Variants in RPS6KC1 observed in about 807,000 individuals in gnomAD.
RPS6KC1 encodes the protein ribosomal protein S6 kinase C1, also known as inactive ribosomal protein S6 kinase delta-1.
A neutral mutation model predicts 103.8 loss-of-function variants in RPS6KC1; 54 were observed. That is an observed-to-expected ratio of 0.52 (90% CI 0.42 to 0.65). The LOEUF (loss-of-function observed/expected upper bound fraction) is 0.65. RPS6KC1 is among the 30% of genes least tolerant of loss of function. The pLI is 0.00. For missense variants in RPS6KC1, 1,151 were observed against 1,253.8 expected (o/e 0.92, Z 1.24); for synonymous variants, 439 against 438.7 (o/e 1.00, Z -0.01).
the RPS6KC1 span, among the ~76,000 whole-genome samples, chr1:213,661,503 A>G: frequency 2.5e-4 from 38 of 152,298 alleles, no homozygotes; most frequent in South Asian, 7.3e-3. Flanking sequence ...ACTCACCCCA[A>G]GGGGATTTCT....
the RPS6KC1 span, among the ~76,000 whole-genome samples, chr1:213,547,846 C>A: frequency 6.6e-6 from 1 of 152,194 alleles, no homozygotes; most frequent in Non-Finnish European, 1.5e-5. Context: ...TCTTGTACTG[C>A]TGGCATAACT....
intron 2 of RPS6KC1, among the ~76,000 whole-genome samples, chr1:213,076,667 A>C (rs994280896): frequency 6.6e-6 from 1 of 152,098 alleles, no homozygotes; most frequent in East Asian, 1.9e-4. Context: ...AATTCAGACT[A>C]ATGAAGGAAA....
At chr1:213,695,056 A>G in the RPS6KC1 span, among the ~76,000 whole-genome samples, 4 of 152,138 alleles carry the variant, frequency 2.6e-5, no homozygotes, top group Admixed American at 2.0e-4. Context: ...TCCCTCACGG[A>G]ATGTACGTTC....
chr1:213,584,008 G>A, the RPS6KC1 span, among the ~76,000 whole-genome samples: 2 of 151,980 alleles, frequency 1.3e-5, no homozygotes, highest in East Asian at 1.9e-4. Context: ...TAATTCCCAC[G>A]TGCTGTGGAA....
At chr1:213,373,310 A>T in the RPS6KC1 span, among the ~76,000 whole-genome samples, 1 of 152,242 alleles carries the variant, frequency 6.6e-6, no homozygotes, top group Non-Finnish European at 1.5e-5. Context: ...CTCTATGTTA[A>T]TTAGGACAAG....
chr1:213,115,346 T>C (rs916436556), intron 4 of RPS6KC1, among the ~76,000 whole-genome samples: 1 of 152,156 alleles, frequency 6.6e-6, no homozygotes, highest in Admixed American at 6.5e-5. Flanking sequence ...TGCATAGAGG[T>C]GTCTGTAGTA....
the RPS6KC1 span, among the ~76,000 whole-genome samples, chr1:213,283,319 A>G: frequency 1.3e-5 from 2 of 152,230 alleles, no homozygotes; most frequent in East Asian, 1.9e-4. Flanking sequence ...TACTGCCCAC[A>G]TAATCCCCCA....
chr1:213,304,927 C>T, the RPS6KC1 span, among the ~76,000 whole-genome samples: 3 of 152,296 alleles, frequency 2.0e-5, no homozygotes, highest in South Asian at 6.2e-4. Context: ...TTTTGCTTTA[C>T]CTATAGTGTT....
At chr1:213,572,882 T>C in the RPS6KC1 span, among the ~76,000 whole-genome samples, 1 of 152,192 alleles carries the variant, frequency 6.6e-6, no homozygotes, top group African/African-American at 2.4e-5. Flanking sequence ...CTTGGTAATA[T>C]TGTGTTGCTT....
chr1:213,658,517 T>TA, the RPS6KC1 span, among the ~76,000 whole-genome samples: 1 of 152,126 alleles, frequency 6.6e-6, no homozygotes, highest in East Asian at 1.9e-4. Context: ...CAACTCAGTG[T>TA]AGTGACAAAT....
At chr1:213,474,800 A>G in the RPS6KC1 span, among the ~76,000 whole-genome samples, 1 of 152,182 alleles carries the variant, frequency 6.6e-6, no homozygotes, top group Non-Finnish European at 1.5e-5. Flanking sequence ...ACAAAGGCTA[A>G]TACCTTTAAA....
At chr1:213,581,695 A>T in the RPS6KC1 span, among the ~76,000 whole-genome samples, 270 of 152,226 alleles carry the variant, frequency 1.8e-3, 2 homozygotes, top group African/African-American at 6.4e-3. Flanking sequence ...TGCAGCAAGC[A>T]TGAAGTGGAG....
the RPS6KC1 span, among the ~76,000 whole-genome samples, chr1:213,599,932 C>T: frequency 7.9e-5 from 12 of 152,238 alleles, no homozygotes; most frequent in East Asian, 1.4e-3. Context: ...AATCTCACCT[C>T]GAATTGTAAT....
In RPS6KC1 at chr1:213,051,368, C is replaced by G. The variant is rs1394212745; in HGVS notation, c.-37C>G. ...GCGGCGCCGGGTTTCCCTCATGATC[C>G]CGGGCGGGTGGCGGCGGCGGCAGAG... On this transcript the variant is annotated 5_prime_UTR_variant, in exon 1 of 15. Transcript: ENST00000366960. 6.5e-7 allele frequency: 1 copy of G among 1,531,394 alleles called. No homozygotes were observed. Among genetic ancestry groups the G allele is most frequent in the Non-Finnish European group, 9.0e-7 (1 of 1,108,288 alleles). The allele number at this position is 1,531,394 out of a possible 1,614,324, so 94.9% of individuals were successfully genotyped here.
chr1:213,331,445 C>A, the RPS6KC1 span, among the ~76,000 whole-genome samples: 1 of 152,162 alleles, frequency 6.6e-6, no homozygotes, highest in South Asian at 2.1e-4. Flanking sequence ...TTAGTTCTGA[C>A]GAGTCAACGG....
chr1:213,595,434 A>G, the RPS6KC1 span, among the ~76,000 whole-genome samples: 2 of 152,214 alleles, frequency 1.3e-5, no homozygotes, highest in African/African-American at 4.8e-5. Flanking sequence ...AAAGGTGATG[A>G]AACAGCCTCT....
chr1:213,364,219 C>T, the RPS6KC1 span, among the ~76,000 whole-genome samples: 24 of 152,302 alleles, frequency 1.6e-4, no homozygotes, highest in East Asian at 1.7e-3. Flanking sequence ...TGGATTTGGA[C>T]GATGGGCCAT....
chr1:213,632,952 T>C, the RPS6KC1 span, among the ~76,000 whole-genome samples: 2 of 152,094 alleles, frequency 1.3e-5, no homozygotes, highest in African/African-American at 2.4e-5. Context: ...GTATCAGTGA[T>C]TGAAGATCAA....
the RPS6KC1 span, among the ~76,000 whole-genome samples, chr1:213,317,608 A>AG: frequency 6.6e-6 from 1 of 152,190 alleles, no homozygotes; most frequent in Non-Finnish European, 1.5e-5. Context: ...GAATTTGGGG[A>AG]GGGGGACAAA....
Sources: gnomAD v4.1 joint callset for allele counts (sites outside exome capture counted in the v4.1 genomes callset) on GRCh38, gnomAD v4.1.1 for gene constraint, MANE v1.5 for transcripts, NCBI Gene and HGNC (gene_info 2026-07-23, HGNC 2026-07-21) for gene names.